SH3BP5: variants seen among roughly 807,000 people sequenced by gnomAD.
SH3BP5 encodes the protein SH3 domain-binding protein 5.
In SH3BP5, 22 loss-of-function variants were observed where a neutral mutation model predicts 43.3. That is an observed-to-expected ratio of 0.51 (90% confidence interval 0.36 to 0.73). The LOEUF (loss-of-function observed/expected upper bound fraction) is 0.73. SH3BP5 is among the 30% of genes least tolerant of loss of function. SH3BP5 has a pLI of 0.00. For missense variants in SH3BP5, 529 were observed against 586.9 expected (o/e 0.90, Z 1.02); for synonymous variants, 255 against 225.8 (o/e 1.13, Z -1.16).
intron 2 of SH3BP5, among the ~76,000 whole-genome samples, chr3:15,311,922 G>A (rs1374218166): frequency 7.2e-5 from 11 of 152,066 alleles, no homozygotes; most frequent in East Asian, 3.9e-4. Flanking sequence ...CTCCTGCCTC[G>A]GCCTCCCAAA....
chr3:15,280,519 T>G (rs965315788), intron 3 of SH3BP5, among the ~76,000 whole-genome samples: 1 of 152,160 alleles, frequency 6.6e-6, no homozygotes, highest in South Asian at 2.1e-4. Flanking sequence ...AGGAGAAAAC[T>G]TCAGAGCCTA....
At chr3:15,282,532 T>C (rs1016338441) in intron 3 of SH3BP5, among the ~76,000 whole-genome samples, 14 of 151,946 alleles carry the variant, frequency 9.2e-5, no homozygotes, top group Non-Finnish European at 1.8e-4. Context: ...GCTTAAGCAA[T>C]AGCATAATTT....
chr3:15,258,583 CT>C (rs1405743658), intron 7 of SH3BP5: 6 of 534,094 alleles, frequency 1.1e-5, no homozygotes, highest in Non-Finnish European at 2.0e-5. Context: ...TATACTTTGA[CT>C]CTCAAAGAGG....
chr3:15,330,107 C>T (rs1276728720), intron 2 of SH3BP5, among the ~76,000 whole-genome samples: 1 of 152,262 alleles, frequency 6.6e-6, no homozygotes, highest in African/African-American at 2.4e-5. Context: ...GGAAACAACA[C>T]AACACTCTCC....
At chr3:15,296,979 G>A (rs959489387) in intron 3 of SH3BP5, among the ~76,000 whole-genome samples, 1 of 151,926 alleles carries the variant, frequency 6.6e-6, no homozygotes, top group Non-Finnish European at 1.5e-5. Flanking sequence ...TTAGAGGCAT[G>A]AGCCACCACT....
chr3:15,280,755 CTG>C (rs1005952626), intron 3 of SH3BP5, among the ~76,000 whole-genome samples: 11 of 152,176 alleles, frequency 7.2e-5, no homozygotes, highest in African/African-American at 2.7e-4. Context: ...CTCAGCAGGG[CTG>C]TATCTTCCTC....
At chr3:15,295,519 A>G (rs1277443675) in intron 3 of SH3BP5, among the ~76,000 whole-genome samples, 1 of 152,156 alleles carries the variant, frequency 6.6e-6, no homozygotes, top group African/African-American at 2.4e-5. Context: ...ATAGCAATTA[A>G]GTGCTTTCTA....
upstream of SH3BP5, among the ~76,000 whole-genome samples, chr3:15,332,898 C>T (rs1698653014): frequency 6.6e-6 from 1 of 152,236 alleles, no homozygotes; most frequent in Non-Finnish European, 1.5e-5. Flanking sequence ...CTGAAGTCGC[C>T]TTCTGAAGCC....
At chr3:15,330,039 GA>G (rs1488810115) in intron 2 of SH3BP5, among the ~76,000 whole-genome samples, 1 of 152,260 alleles carries the variant, frequency 6.6e-6, no homozygotes, top group East Asian at 1.9e-4. Context: ...CAGGGAAGCA[GA>G]AGGAGGCGGG....
chr3:15,262,311 A>T, intron 4 of SH3BP5, 22 bp from the exon 5 acceptor site: 1 of 1,596,860 alleles, frequency 6.3e-7, no homozygotes, highest in African/African-American at 1.3e-5. Flanking sequence ...AGCAGAGTTC[A>T]GCCCAGTCCA....
chr3:15,295,150 C>A (rs1261470523), intron 3 of SH3BP5, among the ~76,000 whole-genome samples: 1 of 152,180 alleles, frequency 6.6e-6, no homozygotes, highest in African/African-American at 2.4e-5. Flanking sequence ...ATCAGAGCCA[C>A]ATGGTTCAGC....
intron 1 of SH3BP5, 128 bp downstream of exon 1, chr3:15,332,143 C>G: frequency 7.0e-7 from 1 of 1,423,616 alleles, no homozygotes; most frequent in Non-Finnish European, 9.5e-7. Flanking sequence ...CCGTCTCCTG[C>G]CACCCTATGT....
In SH3BP5 at chr3:15,332,386, C is replaced by T; in HGVS notation, c.23G>A (p.Ser8Asn). The T allele has an allele frequency of 1.3e-6, 2 of 1,537,890 alleles. No individual in the cohort carries two copies. Among genetic ancestry groups the T allele is most frequent in the South Asian group, 2.4e-5 (2 of 84,088 alleles). The change falls in exon 1 of 9, where the codon AGC (serine) becomes AAC (asparagine). Residue 8 changes from serine (S) to asparagine (N), a missense_variant. Coordinates refer to ENST00000383791, the MANE Select transcript of SH3BP5 (RefSeq NM_004844.5). MDAALKR[S>N]RSEEPAEILP... is the part of the protein sequence containing the mutation. ...GATTTCGGCTGGCTCCTCCGAGCGGCTCCGCTTCAGTGCCGCGTCCATGCA... is the reference window on the plus strand; with the variant it reads ...GATTTCGGCTGGCTCCTCCGAGCGGTTCCGCTTCAGTGCCGCGTCCATGCA...
chr3:15,255,888 A>G lies in SH3BP5; in HGVS notation c.*198T>C, dbSNP rs1696176326. 3.4e-6 allele frequency: 2 copies of G among 583,792 alleles called. No individual in the cohort carries two copies. The highest frequency in any genetic ancestry group is 6.1e-6 in the Non-Finnish European group (2 of 328,290). The allele number at this position is 583,792 out of a possible 1,614,324, so 36.2% of individuals were successfully genotyped here. ...ACCTAGTCACAGTCTACCCACAACA[A>G]GAACTCTGCTCTGAAAAACCAGCCC... On this transcript the variant is annotated 3_prime_UTR_variant, in exon 9 of 9. Transcript: ENST00000383791.
intron 2 of SH3BP5, among the ~76,000 whole-genome samples, chr3:15,310,573 T>G (rs1698028840): frequency 6.6e-6 from 1 of 152,034 alleles, no homozygotes. Flanking sequence ...AAATGAGCCA[T>G]GGAGGGGAGT....
chr3:15,262,169 T>C lies in SH3BP5; in HGVS notation c.616A>G (p.Asn206Asp). 1 of 1,614,140 alleles carries C rather than the reference T, an allele frequency of 6.2e-7. No homozygotes were observed. Among genetic ancestry groups the C allele is most frequent in the Non-Finnish European group, 8.5e-7 (1 of 1,179,994 alleles). The change falls in exon 5 of 9, where the codon AAC (asparagine) becomes GAC (aspartate). Residue 206 changes from asparagine (N) to aspartate (D), a missense_variant. By Grantham distance (23) the Asn-to-Asp change is conservative. This residue lies in a region of SH3BP5 where 369 missense variants were observed against 384.3 expected (regional missense o/e 0.96). Transcript: ENST00000383791. ...CCTGTCCAGACTTACTTGGACTTGT[T>C]GATGGCTCTCTTGAGTTTCTTCTCC... ...QLEKKLKRAI[N>D]KSKPYFELKA... is the part of the protein sequence containing the mutation.
At chr3:15,258,497 G>A (rs1279500317) in intron 7 of SH3BP5, 2 of 346,040 alleles carry the variant, frequency 5.8e-6, no homozygotes, top group African/African-American at 2.1e-5. Flanking sequence ...TAGTAATGAT[G>A]TAAAGGTAGC....
chr3:15,332,255 A>G lies in SH3BP5; in HGVS notation c.138+16T>C. Reference sequence around the variant, plus strand: ...CCTCGCGAAGCCCGGATGCGGGGCGACCCCGCGCGCCCTACCTGGATCCGG... The same window carrying G: ...CCTCGCGAAGCCCGGATGCGGGGCGGCCCCGCGCGCCCTACCTGGATCCGG... On this transcript the variant is annotated intron_variant, in intron 1 of 8. Coordinates refer to ENST00000383791, the MANE Select transcript of SH3BP5 (RefSeq NM_004844.5). 1 of 1,550,494 alleles carries G rather than the reference A, an allele frequency of 6.4e-7. No homozygotes were observed.
chr3:15,285,072 T>A (rs1001207881), intron 3 of SH3BP5, among the ~76,000 whole-genome samples: 3 of 152,220 alleles, frequency 2.0e-5, no homozygotes, highest in African/African-American at 7.2e-5. Context: ...GAGCCAAAAC[T>A]GTGTTACTGA....
Sources: allele counts gnomAD v4.1 joint callset (sites outside exome capture counted in the v4.1 genomes callset), GRCh38; gene constraint gnomAD v4.1.1; regional missense constraint gnomAD v4.1.1; transcripts MANE v1.5; gene names NCBI Gene and HGNC (gene_info 2026-07-23, HGNC 2026-07-21).